The following RASGRF2 variants were observed in gnomAD, a reference collection of about 807,000 sequenced individuals.
RASGRF2 encodes ras-specific guanine nucleotide-releasing factor 2.
In RASGRF2, 76 loss-of-function variants were observed where a neutral mutation model predicts 151.0. That is an observed-to-expected ratio of 0.50 (90% confidence interval 0.42 to 0.61). The LOEUF (loss-of-function observed/expected upper bound fraction) is 0.61, where lower values mean the gene tolerates loss of function less well. Ranked by LOEUF, RASGRF2 falls within the 20% of genes least tolerant of loss-of-function variation. The pLI, the probability that RASGRF2 is intolerant of heterozygous loss-of-function variation, is 0.00. For synonymous variants in RASGRF2, 504 were observed against 566.5 expected, an observed-to-expected ratio of 0.89 and a Z score of 1.57; for missense variants, 1,148 against 1,564.6, an observed-to-expected ratio of 0.73 and a Z score of 4.49.
chr5:81,092,729 T>C (rs1037765103), intron 9 of RASGRF2, 72 bp from the exon 10 acceptor site: 130 of 1,408,664 alleles, frequency 9.2e-5, no homozygotes, highest in Non-Finnish European at 1.2e-4. Context: ...CCTTAGTGTT[T>C]ATTGCCGTGG....
chr5:81,145,051 T>C (rs764943537), intron 17 of RASGRF2, among the ~76,000 whole-genome samples: 8 of 152,094 alleles, frequency 5.3e-5, no homozygotes, highest in Non-Finnish European at 8.8e-5. Flanking sequence ...CAGACCAGCT[T>C]GACCAACATG....
At chr5:81,201,464 G>A (rs771794235) in intron 19 of RASGRF2, 22 bp downstream of exon 19, 24 of 1,600,834 alleles carry the variant, frequency 1.5e-5, no homozygotes, top group Middle Eastern at 3.3e-4. Context: ...TGAAGATGCC[G>A]ACTGGATGAC....
At chr5:81,012,692 A>G (rs1749506370) in intron 1 of RASGRF2, among the ~76,000 whole-genome samples, 1 of 152,022 alleles carries the variant, frequency 6.6e-6, no homozygotes, top group Non-Finnish European at 1.5e-5. Flanking sequence ...AGTTTTTACT[A>G]TTCACCTCCA....
chr5:80,997,825 C>T lies in RASGRF2; in HGVS notation c.288+36799C>T, dbSNP rs188586840. 4.4e-3 allele frequency: 669 copies of T among 152,230 alleles called. 1 individual carries two copies. Among genetic ancestry groups the T allele is most frequent in the South Asian group, 0.013 (61 of 4,804 alleles). The allele number at this position is 152,230 out of a possible 1,614,324, so 9.4% of individuals were successfully genotyped here. A position where few individuals can be genotyped will look rare whatever the true frequency, so the allele number is the denominator to read the frequency against. ...TCTACTAAACATACAAAAAATTAGC[C>T]GGGCGTGGTGGCGGGCGCCTGTAGT... is the stretch of plus-strand genomic sequence containing the variant. On this transcript the variant is annotated intron_variant, in intron 1 of 26. Transcript: ENST00000265080.
chr5:81,186,376 A>G (rs1755026312), intron 18 of RASGRF2, among the ~76,000 whole-genome samples: 1 of 152,090 alleles, frequency 6.6e-6, no homozygotes, highest in South Asian at 2.1e-4. Flanking sequence ...TATTAGTTTT[A>G]GTATTGTTCC....
chr5:81,225,050 C>T (rs968147232), intron 26 of RASGRF2, among the ~76,000 whole-genome samples: 1 of 152,002 alleles, frequency 6.6e-6, no homozygotes, highest in Non-Finnish European at 1.5e-5. Flanking sequence ...CATGAAAATC[C>T]CCCATGCCCC....
intron 22 of RASGRF2, among the ~76,000 whole-genome samples, chr5:81,211,037 G>T (rs140056523): frequency 1.4e-3 from 215 of 152,058 alleles, no homozygotes; most frequent in African/African-American, 5.1e-3. Context: ...CCAGCTACTT[G>T]GGAGGCTGAG....
rs1436314659 is a variant in RASGRF2 at position 81,217,416 on chromosome 5, A to G, written c.3495A>G (p.Glu1165=). 1.2e-6 allele frequency: 2 copies of G among 1,613,510 alleles called. No individual in the cohort carries two copies. The highest frequency in any genetic ancestry group is 3.3e-5 in the Admixed American group (2 of 59,912). The change falls in exon 25 of 27, where the codon GAA becomes GAG. Residue 1165 remains glutamate, a synonymous_variant. Coordinates refer to ENST00000265080, the MANE Select transcript of RASGRF2 (RefSeq NM_006909.3). ...GMYLTDLAFI[E]EGTPNFTEEG... is the part of the protein sequence containing the mutation. Reference sequence around the variant, plus strand: ...ACTTGACAGACCTGGCATTTATTGAAGAAGGAACACCAAACTTTACTGAGG... The same window carrying G: ...ACTTGACAGACCTGGCATTTATTGAGGAAGGAACACCAAACTTTACTGAGG...
intron 10 of RASGRF2, 47 bp from the exon 11 acceptor site, chr5:81,094,249 C>G (rs1752473641): frequency 2.7e-6 from 4 of 1,474,536 alleles, no homozygotes; most frequent in Non-Finnish European, 3.8e-6. Context: ...GCTTCCCAAT[C>G]TACACAAGAC....
chr5:81,047,475 G>A (rs533842295), intron 2 of RASGRF2, among the ~76,000 whole-genome samples: 2 of 152,324 alleles, frequency 1.3e-5, no homozygotes, highest in East Asian at 3.9e-4. Context: ...ACTATCTTTT[G>A]CCTGCTTTCT....
chr5:81,027,214 T>C (rs970238133), intron 1 of RASGRF2, among the ~76,000 whole-genome samples: 6 of 152,186 alleles, frequency 3.9e-5, no homozygotes, highest in Non-Finnish European at 8.8e-5. Context: ...TTAAAACCCA[T>C]AGAACCCTAA....
chr5:81,084,614 A>T (rs1233305928), intron 7 of RASGRF2, among the ~76,000 whole-genome samples: 1 of 152,178 alleles, frequency 6.6e-6, no homozygotes, highest in Non-Finnish European at 1.5e-5. Context: ...GTCTATGCAT[A>T]GTGTGTAAAT....
chr5:81,225,231 T>C (rs1265441194), intron 26 of RASGRF2, among the ~76,000 whole-genome samples: 1 of 152,236 alleles, frequency 6.6e-6, no homozygotes, highest in Non-Finnish European at 1.5e-5. Flanking sequence ...TATGAGATTA[T>C]TAAATAAGCT....
chr5:81,187,308 T>C (rs1755046816), intron 18 of RASGRF2, among the ~76,000 whole-genome samples: 2 of 152,350 alleles, frequency 1.3e-5, no homozygotes, highest in Non-Finnish European at 2.9e-5. Context: ...TTTAATGTTA[T>C]TGAATGGAAT....
At chr5:81,031,157 T>TTG (rs1246863070) in intron 1 of RASGRF2, among the ~76,000 whole-genome samples, 1 of 152,150 alleles carries the variant, frequency 6.6e-6, no homozygotes, top group Non-Finnish European at 1.5e-5. Flanking sequence ...AAGCAACTCC[T>TTG]TAGAGACCTA....
chr5:80,978,768 CAA>C (rs745848284), intron 1 of RASGRF2, among the ~76,000 whole-genome samples: 1 of 149,306 alleles, frequency 6.7e-6, no homozygotes, highest in Non-Finnish European at 1.5e-5. Context: ...GCCTGGGTGA[CAA>C]GAGTGAAACT....
At chr5:81,153,805 C>A (rs565446983) in intron 17 of RASGRF2, among the ~76,000 whole-genome samples, 16 of 151,492 alleles carry the variant, frequency 1.1e-4, no homozygotes, top group African/African-American at 3.9e-4. Context: ...TAACCATATG[C>A]CATATATGAA....
chr5:81,173,643 A>G (rs756461696), intron 17 of RASGRF2, among the ~76,000 whole-genome samples: 1 of 152,222 alleles, frequency 6.6e-6, no homozygotes, highest in African/African-American at 2.4e-5. Flanking sequence ...TAAACAAGTT[A>G]CTTAACCTCA....
chr5:81,034,916 G>A (rs1159213491), intron 1 of RASGRF2, among the ~76,000 whole-genome samples: 1 of 151,664 alleles, frequency 6.6e-6, no homozygotes, highest in Non-Finnish European at 1.5e-5. Context: ...CCTGCACATT[G>A]TGCACATGTA....
Sources: allele counts gnomAD v4.1 joint callset (sites outside exome capture counted in the v4.1 genomes callset), GRCh38; gene constraint gnomAD v4.1.1; transcripts MANE v1.5; gene names NCBI Gene and HGNC (gene_info 2026-07-23, HGNC 2026-07-21).